Variants in MLIP observed in about 807,000 individuals in gnomAD.
MLIP encodes muscular LMNA-interacting protein.
Under a neutral mutation model 84.8 loss-of-function variants are expected in MLIP, and 79 were observed. That is an observed-to-expected ratio of 0.93 (90% CI 0.78 to 1.12). The LOEUF (loss-of-function observed/expected upper bound fraction) is 1.12, where lower values mean the gene tolerates loss of function less well. Among genes scored for constraint, MLIP ranks in the 50% most tolerant of loss-of-function variants. The pLI, the probability that MLIP is intolerant of heterozygous loss-of-function variation, is 0.00. For missense variants in MLIP, 1,257 were observed against 1,160.6 expected (o/e 1.08, Z -1.21); for synonymous variants, 504 against 463.0 (o/e 1.09, Z -1.14).
At chr6:54,098,823 A>C (rs1031241991) in intron 1 of MLIP, among the ~76,000 whole-genome samples, 3 of 152,122 alleles carry the variant, frequency 2.0e-5, no homozygotes, top group Admixed American at 2.0e-4. Flanking sequence ...TATGTAACTC[A>C]TGTAACCACA....
intron 1 of MLIP, among the ~76,000 whole-genome samples, chr6:54,072,494 T>C (rs976417285): frequency 1.3e-5 from 2 of 152,172 alleles, no homozygotes; most frequent in Non-Finnish European, 2.9e-5. Flanking sequence ...ATCCTCCCAC[T>C]GAACTTGGAA....
chr6:54,059,461 T>A (rs1765842652), intron 1 of MLIP, among the ~76,000 whole-genome samples: 1 of 152,190 alleles, frequency 6.6e-6, no homozygotes, highest in Non-Finnish European at 1.5e-5. Flanking sequence ...TTCTCTAAAT[T>A]GAGAAATTAA....
chr6:54,202,761 G>T (rs1778782878), intron 11 of MLIP, among the ~76,000 whole-genome samples: 1 of 152,110 alleles, frequency 6.6e-6, no homozygotes, highest in Non-Finnish European at 1.5e-5. Flanking sequence ...AGCTGGGTAT[G>T]GTGGCGTGTG....
In MLIP at chr6:54,137,959, A is replaced by G. The variant is rs574578288; in HGVS notation, c.1890A>G (p.Gln630=). The change falls in exon 4 of 14, where the codon CAA becomes CAG. Residue 630 remains glutamine, a synonymous_variant. Coordinates refer to ENST00000502396, the MANE Select transcript of MLIP (RefSeq NM_001281747.2). ...ACAGATCTAAAAGAGCATCATCCCA[A>G]CTATCTGGCCAGGAGCTGAATCCTT... ...LINRSKRASS[Q]LSGQELNPSA... 6.5e-7 allele frequency: 1 copy of G among 1,535,876 alleles called. No homozygotes were observed. Among genetic ancestry groups the G allele is most frequent in the South Asian group, 1.2e-5 (1 of 84,046 alleles).
At chr6:54,229,182 A>G (rs1399315043) in intron 11 of MLIP, among the ~76,000 whole-genome samples, 1 of 152,210 alleles carries the variant, frequency 6.6e-6, no homozygotes, top group Non-Finnish European at 1.5e-5. Flanking sequence ...CTTCTAAGAG[A>G]ATCAAGTGAA....
rs368092422 is a variant in MLIP at position 54,128,971 on chromosome 6, G to A, written c.645+4106G>A. Among the ~76,000 whole-genome samples, 57 of 152,080 alleles carry A rather than the reference G, an allele frequency of 3.7e-4. 1 individual carries two copies. Among genetic ancestry groups the A allele is most frequent in the East Asian group, 1.4e-3 (7 of 5,164 alleles). ...CACAAAGTCAGGAACATGTGGAGAA[G>A]GAGAGTTTCACACCTTTTTCAAATG... On this transcript the variant is annotated intron_variant, in intron 3 of 13. Transcript: ENST00000502396.
chr6:54,160,806 A>AT lies in MLIP; in HGVS notation c.2499+8dup, dbSNP rs749232165. The AT allele has an allele frequency of 6.2e-7, 1 of 1,601,776 alleles. No homozygotes were observed. Among genetic ancestry groups the AT allele is most frequent in the African/African-American group, 1.3e-5 (1 of 74,488 alleles). ...GGGTTCTGACACAGTCAAAGTATGTATGTATTTAATATAATTTATGGAACC... is the reference window on the plus strand; with the variant it reads ...GGGTTCTGACACAGTCAAAGTATGTATTGTATTTAATATAATTTATGGAACC... On this transcript the variant is annotated splice_region_variant and intron_variant, in intron 8 of 13. Transcript: ENST00000502396.
chr6:54,245,781 C>T (rs1328290346), intron 12 of MLIP, among the ~76,000 whole-genome samples: 3 of 152,060 alleles, frequency 2.0e-5, no homozygotes, highest in East Asian at 3.9e-4. Flanking sequence ...ACCTAGTTGT[C>T]TCATTGCCGT....
chr6:54,213,467 C>T (rs1336619726), intron 11 of MLIP, among the ~76,000 whole-genome samples: 1 of 151,734 alleles, frequency 6.6e-6, no homozygotes, highest in African/African-American at 2.4e-5. Context: ...TTTGGGAGGC[C>T]AAGGCAGGCA....
At chr6:54,192,366 G>A (rs1392389245) in intron 10 of MLIP, among the ~76,000 whole-genome samples, 2 of 151,560 alleles carry the variant, frequency 1.3e-5, no homozygotes, top group African/African-American at 2.4e-5. Context: ...ATTTCATGTC[G>A]TTAGCCCTGT....
intron 3 of MLIP, among the ~76,000 whole-genome samples, chr6:54,128,572 T>C (rs2150457849): frequency 6.6e-6 from 1 of 152,144 alleles, no homozygotes; most frequent in Middle Eastern, 3.4e-3. Context: ...CCATTAAATC[T>C]TGAAATAAGG....
At chr6:54,171,421 A>C (rs1289673849) in intron 9 of MLIP, among the ~76,000 whole-genome samples, 1 of 151,608 alleles carries the variant, frequency 6.6e-6, no homozygotes, top group Non-Finnish European at 1.5e-5. Flanking sequence ...TGACATTTGA[A>C]TTGTTGTTTG....
At chr6:54,093,393 C>CTA (rs905105216) in intron 1 of MLIP, among the ~76,000 whole-genome samples, 8 of 147,546 alleles carry the variant, frequency 5.4e-5, no homozygotes, top group South Asian at 4.3e-4. Flanking sequence ...CTATTCTATT[C>CTA]TTCTTTTATC....
intron 11 of MLIP, among the ~76,000 whole-genome samples, chr6:54,226,637 A>C (rs1183993676): frequency 1.3e-5 from 2 of 151,518 alleles, no homozygotes; most frequent in Non-Finnish European, 2.9e-5. Flanking sequence ...AACAGGAAAT[A>C]AAACAAACAA....
chr6:54,115,152 G>A (rs186105300), intron 1 of MLIP, among the ~76,000 whole-genome samples: 173 of 152,246 alleles, frequency 1.1e-3, no homozygotes, highest in African/African-American at 3.9e-3. Flanking sequence ...GCTCAGAGTG[G>A]TAAATATGAA....
At chr6:54,060,824 AAAAAATTACATACATACATTTGAT>A (rs972381681) in intron 1 of MLIP, among the ~76,000 whole-genome samples, 3 of 152,186 alleles carry the variant, frequency 2.0e-5, no homozygotes, top group Non-Finnish European at 4.4e-5. Flanking sequence ...ACAAATAGAG[AAAAAATTACATACATACATTTGAT>A]AAAGAAAGAA....
intron 10 of MLIP, among the ~76,000 whole-genome samples, chr6:54,195,995 T>C (rs1778267340): frequency 1.3e-5 from 2 of 152,166 alleles, no homozygotes; most frequent in African/African-American, 4.8e-5. Flanking sequence ...ATGAGAACTT[T>C]GGCTTTCTAC....
At chr6:54,255,434 C>T (rs747116157) in intron 12 of MLIP, among the ~76,000 whole-genome samples, 12 of 152,160 alleles carry the variant, frequency 7.9e-5, no homozygotes, top group Non-Finnish European at 1.6e-4. Flanking sequence ...ATTATTATGA[C>T]TAAATCCATA....
At chr6:54,027,116 T>C (rs1318929148) in intron 1 of MLIP, among the ~76,000 whole-genome samples, 1 of 152,170 alleles carries the variant, frequency 6.6e-6, no homozygotes, top group Non-Finnish European at 1.5e-5. Flanking sequence ...TCCTTGTTAT[T>C]AGATGAAACC....
Sources: allele counts gnomAD v4.1 joint callset (sites outside exome capture counted in the v4.1 genomes callset), GRCh38; gene constraint gnomAD v4.1.1; transcripts MANE v1.5; gene names NCBI Gene and HGNC (gene_info 2026-07-23, HGNC 2026-07-21).